Variants in PLA2G6 observed in about 807,000 individuals in gnomAD.
The protein encoded by PLA2G6 is phospholipase A2 group VI.
A neutral mutation model predicts 83.8 loss-of-function variants in PLA2G6; 62 were observed. The ratio of observed to expected loss-of-function variants is 0.74; its 90% CI spans 0.60 to 0.91. The LOEUF (loss-of-function observed/expected upper bound fraction) is 0.91, where lower values mean the gene tolerates loss of function less well. Among genes scored for constraint, PLA2G6 ranks in the 40% least tolerant of loss-of-function variants. The pLI, the probability that PLA2G6 is intolerant of heterozygous loss-of-function variation, is 0.00. For missense variants in PLA2G6, 944 were observed against 1,102.0 expected (o/e 0.86, Z 2.03); for synonymous variants, 417 against 449.8 (o/e 0.93, Z 0.92).
chr22:38,148,160 AC>A (rs2089372089), intron 2 of PLA2G6: 1 of 287,392 alleles, frequency 3.5e-6, no homozygotes. Context: ...TGACAACATT[AC>A]TTTTAGTGGA....
intron 1 of PLA2G6, among the ~76,000 whole-genome samples, chr22:38,170,807 T>G (rs1270616341): frequency 1.3e-5 from 2 of 151,926 alleles, no homozygotes; most frequent in African/African-American, 4.8e-5. Flanking sequence ...GGATCAACCC[T>G]GGGGACAGAA....
Position 38,128,322 on chromosome 22 carries a change from TG to T in PLA2G6, c.1294del (p.His432IlefsTer15), listed in dbSNP as rs1282655744. The T allele has an allele frequency of 6.2e-7, 1 of 1,613,286 alleles. No homozygotes were observed. Among genetic ancestry groups the T allele is most frequent in the African/African-American group, 1.3e-5 (1 of 74,994 alleles). On this transcript the variant is annotated frameshift_variant, in exon 9 of 17. Coordinates refer to ENST00000332509, the MANE Select transcript of PLA2G6 (RefSeq NM_003560.4). LOFTEE classifies it high-confidence loss of function. This position sits in a 1 kb window ranked among gnomAD's most constrained non-coding sequence, Gnocchi z 4.4. ...CTGAGCTCTTTCCAGGGAGAAGGGA[TG>T]ATGTGGCGCTGCAGAGCCCTGCTCC... is the stretch of plus-strand genomic sequence containing the variant. ...PAEQGSAAPH[H>X]PFSLERAQPP...
chr22:38,159,076 G>A (rs11570623), intron 2 of PLA2G6, among the ~76,000 whole-genome samples: 22 of 152,118 alleles, frequency 1.4e-4, no homozygotes, highest in African/African-American at 5.1e-4. Context: ...GTGGGCGCCT[G>A]TAATCCCAGC....
At chr22:38,162,138 G>A (rs1211726367) in intron 2 of PLA2G6, among the ~76,000 whole-genome samples, 1 of 151,372 alleles carries the variant, frequency 6.6e-6, no homozygotes, top group Non-Finnish European at 1.5e-5. Context: ...GAACCCCGGA[G>A]GTGGAGGTTG....
At chr22:38,119,003 C>A (rs1375153659) in intron 12 of PLA2G6, among the ~76,000 whole-genome samples, 1 of 152,112 alleles carries the variant, frequency 6.6e-6, no homozygotes, top group Non-Finnish European at 1.5e-5. Context: ...CTCAAGTGAT[C>A]CTCCTGCCTC....
chr22:38,112,572 C>G lies in PLA2G6; in HGVS notation c.2208G>C (p.Thr736=), dbSNP rs770983765. 1 of 1,551,528 alleles carries G rather than the reference C, an allele frequency of 6.4e-7. No individual in the cohort carries two copies. The highest frequency in any genetic ancestry group is 1.7e-4 in the Middle Eastern group (1 of 5,896). ...GGTCCACAGCCCGCCCGTCTGGATC[C>G]GTGCACTGGTGAGAAGCAGCCTTGG... The part of the protein sequence containing the change: ...ELGKMVVDCC[T]DPDGRAVDRA... Residue 736 remains threonine, a synonymous_variant, in exon 16 of 17, where the codon ACG becomes ACC. Transcript: ENST00000332509.
chr22:38,112,491 G>A lies in PLA2G6; in HGVS notation c.2276+13C>T. 2 of 1,549,780 alleles carry A rather than the reference G, an allele frequency of 1.3e-6. No homozygotes were observed. The highest frequency in any genetic ancestry group is 1.2e-5 in the South Asian group (1 of 84,550). On this transcript the variant is annotated intron_variant, in intron 16 of 16. Coordinates refer to ENST00000332509, the MANE Select transcript of PLA2G6 (RefSeq NM_003560.4). Reference sequence around the variant, plus strand: ...GGGCACGGGGCCAAGGGCTGGGGCGGCTGAGCCCTCACCTGAAGTACTGGA... The same window carrying A: ...GGGCACGGGGCCAAGGGCTGGGGCGACTGAGCCCTCACCTGAAGTACTGGA...
At chr22:38,162,103 G>A (rs1351552781) in intron 2 of PLA2G6, among the ~76,000 whole-genome samples, 1 of 151,490 alleles carries the variant, frequency 6.6e-6, no homozygotes, top group East Asian at 1.9e-4. Flanking sequence ...AGCTACTCAG[G>A]AGGCTGAGGC....
chr22:38,169,526 A>C, intron 1 of PLA2G6, 55 bp from the exon 2 acceptor site: 7 of 999,132 alleles, frequency 7.0e-6, no homozygotes, highest in African/African-American at 1.6e-5. Context: ...TGCCCATCTC[A>C]CCCAGTGCAG....
intron 2 of PLA2G6, 136 bp from the exon 3 acceptor site, chr22:38,145,789 ACACAC>A: frequency 2.6e-6 from 1 of 391,304 alleles, no homozygotes; most frequent in South Asian, 2.9e-5. Flanking sequence ...AAGCAAACAC[ACACAC>A]ACACACACAC....
intron 11 of PLA2G6, among the ~76,000 whole-genome samples, chr22:38,121,808 C>A (rs750999266): frequency 6.6e-6 from 1 of 152,190 alleles, no homozygotes; most frequent in Non-Finnish European, 1.5e-5. Flanking sequence ...CCTGCTCAGA[C>A]CTCGTGCCCG....
Position 38,148,859 on chromosome 22 carries a change from C to CTTT in PLA2G6, c.210-3209_210-3207dup, listed in dbSNP as rs200966258. 2.3e-3 allele frequency: 352 copies of CTTT among 152,434 alleles called. 1 individual carries two copies. Among genetic ancestry groups the CTTT allele is most frequent in the East Asian group, 5.6e-3 (21 of 3,776 alleles). The allele number at this position is 152,434 out of a possible 1,614,324, so 9.4% of individuals were successfully genotyped here. A position where few individuals can be genotyped will look rare whatever the true frequency, so the allele number is the denominator to read the frequency against. On this transcript the variant is annotated intron_variant, in intron 2 of 16. Transcript: ENST00000332509. ...CATCAAACTAGGCTCTAGATTATTT[C>CTTT]TTTTTTTTTTTTTTTTTTTTTTTTT... is the stretch of plus-strand genomic sequence containing the variant.
chr22:38,134,039 A>G (rs567498833), intron 6 of PLA2G6: 5 of 152,340 alleles, frequency 3.3e-5, no homozygotes, highest in African/African-American at 1.2e-4. Flanking sequence ...GGCACCATCT[A>G]ATCAGCTGCC....
rs1294455462 is a variant in PLA2G6 at position 38,113,540 on chromosome 22, G to T, written c.2149C>A (p.Leu717Met). 6.2e-7 allele frequency: 1 copy of T among 1,614,046 alleles called. No homozygotes were observed. The highest frequency in any genetic ancestry group is 1.7e-5 in the Admixed American group (1 of 60,016). The change falls in exon 15 of 17, where the codon CTG becomes ATG. Residue 717 changes from leucine to methionine, a missense_variant. Physicochemically the swap from Leu to Met is conservative, Grantham distance 15 (BLOSUM62 2). Coordinates refer to ENST00000332509, the MANE Select transcript of PLA2G6 (RefSeq NM_003560.4). The stretch of plus-strand genomic sequence containing the variant: ...TTGGCCCCAAAAACAGTCTTGGCCA[G>T]CTCCCAGGGGTTGCTGGGACGGAAG... ...DVFRPSNPWELAKTVFGAKEL... is the reference protein window; with the variant it reads ...DVFRPSNPWEMAKTVFGAKEL...
intron 2 of PLA2G6, among the ~76,000 whole-genome samples, chr22:38,155,287 C>T (rs531624397): frequency 6.6e-6 from 1 of 150,966 alleles, no homozygotes; most frequent in East Asian, 1.9e-4. Context: ...TCACATACTG[C>T]TAAATGCTAA....
At chr22:38,145,105 A>C in intron 3 of PLA2G6, 1 of 360,650 alleles carries the variant, frequency 2.8e-6, no homozygotes, top group Non-Finnish European at 5.3e-6. Context: ...GCAGTGGTGC[A>C]ATCATAGCTC....
At chr22:38,125,246 A>G (rs377730316) in intron 10 of PLA2G6, among the ~76,000 whole-genome samples, 326 of 151,956 alleles carry the variant, frequency 2.1e-3, no homozygotes, top group African/African-American at 7.7e-3. Context: ...GTGCGTGTCC[A>G]TGTGTTTGCA....
intron 2 of PLA2G6, chr22:38,148,969 G>A (rs1449683930): frequency 1.9e-5 from 3 of 161,290 alleles, no homozygotes; most frequent in Non-Finnish European, 4.0e-5. Flanking sequence ...TGGTTCAAGT[G>A]ATTCTCCTGC....
At chr22:38,125,547 T>C (rs2087802946) in intron 10 of PLA2G6, 1 of 398,112 alleles carries the variant, frequency 2.5e-6, no homozygotes. Context: ...GCACTAGGTA[T>C]AGAGTCCACA....
Sources: gnomAD v4.1 joint callset for allele counts (sites outside exome capture counted in the v4.1 genomes callset) on GRCh38, gnomAD v4.1.1 for gene constraint, Gnocchi (gnomAD v3.1) non-coding constraint, MANE v1.5 for transcripts, NCBI Gene and HGNC (gene_info 2026-07-23, HGNC 2026-07-21) for gene names.